The following ADAM28 variants were observed in gnomAD, a reference collection of about 807,000 sequenced individuals.
ADAM28 encodes the protein disintegrin and metalloproteinase domain-containing protein 28.
In ADAM28, 105 loss-of-function variants were observed where a neutral mutation model predicts 101.2. That is an observed-to-expected ratio of 1.04 (90% CI 0.89 to 1.22). The LOEUF (loss-of-function observed/expected upper bound fraction) is 1.22. Among genes scored for constraint, ADAM28 ranks in the 50% most tolerant of loss-of-function variants. The pLI is 0.00. For missense variants in ADAM28, 1,028 were observed against 945.4 expected, an observed-to-expected ratio of 1.09 and a Z score of -1.15; for synonymous variants, 322 against 310.6, an observed-to-expected ratio of 1.04 and a Z score of -0.39.
In ADAM28 at chr8:24,326,584, T is replaced by C; in HGVS notation, c.921T>C (p.Gly307=). 1.2e-6 allele frequency: 2 copies of C among 1,612,288 alleles called. No homozygotes were observed. The highest frequency in any genetic ancestry group is 8.5e-7 in the Non-Finnish European group (1 of 1,178,806). ...CAGAACTTGCTGGAACGACTGTGGG[T>C]CTTGCATTTATGTCTACAATGTGTT... ...TATELAGTTV[G]LAFMSTMCSP... is the part of the protein sequence containing the mutation. The change falls in exon 10 of 23, where the codon GGT becomes GGC. Residue 307 remains glycine (G), a synonymous_variant. Coordinates refer to ENST00000265769, the MANE Select transcript of ADAM28 (RefSeq NM_014265.6).
Position 24,325,891 on chromosome 8 carries a change from A to AAAACAAAC in ADAM28, c.891-660_891-659insCAAACAAA, listed in dbSNP as rs1585631109. Reference sequence around the variant, plus strand: ...GATAGCAAAAAAAAAAAAAAAAAAAAAAAAAAAAACCAAAAAACAAAAACT... The same window carrying AAAACAAAC: ...GATAGCAAAAAAAAAAAAAAAAAAAAAAACAAACAAAAAAAAACCAAAAAACAAAAACT... On this transcript the variant is annotated intron_variant, in intron 9 of 22. Transcript: ENST00000265769. Among the ~76,000 whole-genome samples, 5 of 144,298 alleles carry AAAACAAAC rather than the reference A, an allele frequency of 3.5e-5. No individual in the cohort carries two copies. In the East Asian group the frequency reaches 1.0e-3, roughly 30 times the overall value. 94.7% of individuals were successfully genotyped at this position (144,298 alleles called of 152,430 possible).
intron 20 of ADAM28, chr8:24,351,573 G>A: frequency 1.9e-6 from 1 of 535,828 alleles, no homozygotes; most frequent in East Asian, 3.4e-5. Flanking sequence ...CTTTGTCTCT[G>A]CTTCATTCTC....
intron 19 of ADAM28, 120 bp downstream of exon 19, chr8:24,350,092 C>G (rs530152102): frequency 2.4e-5 from 19 of 803,276 alleles, no homozygotes; most frequent in Non-Finnish European, 3.3e-5. Context: ...TTCAGAAATA[C>G]ATGCAGATGG....
intron 5 of ADAM28, among the ~76,000 whole-genome samples, chr8:24,312,817 C>T (rs921078225): frequency 6.6e-6 from 1 of 152,018 alleles, no homozygotes; most frequent in Admixed American, 6.6e-5. Flanking sequence ...AACCCTGGTT[C>T]AAGGCTTTAG....
At chr8:24,350,017 TTTTAC>T (rs776905762) in intron 19 of ADAM28, 45 bp downstream of exon 19, 1 of 1,551,952 alleles carries the variant, frequency 6.4e-7, no homozygotes, top group Non-Finnish European at 8.8e-7. Flanking sequence ...TTGACCCCTA[TTTTAC>T]TTTACTTTAA....
chr8:24,336,093 G>C, intron 14 of ADAM28: 1 of 988,012 alleles, frequency 1.0e-6, no homozygotes, highest in South Asian at 4.7e-5. Flanking sequence ...GGATGGGACA[G>C]AAATAAGAAA....
chr8:24,346,484 T>G (rs1039704151), intron 18 of ADAM28, among the ~76,000 whole-genome samples: 1 of 152,146 alleles, frequency 6.6e-6, no homozygotes, highest in Non-Finnish European at 1.5e-5. Flanking sequence ...TTAAATCTTA[T>G]GCCTTTTATG....
chr8:24,347,622 A>AC (rs1815561974), intron 18 of ADAM28, among the ~76,000 whole-genome samples: 2 of 152,002 alleles, frequency 1.3e-5, no homozygotes, highest in South Asian at 4.1e-4. Flanking sequence ...GTGTTAAAAT[A>AC]CCCCCCACTG....
intron 10 of ADAM28, 85 bp from the exon 11 acceptor site, chr8:24,329,882 TGTGTGAGAGAGAGAGAGA>T (rs1813123794): frequency 3.2e-6 from 3 of 946,476 alleles, no homozygotes; most frequent in African/African-American, 4.2e-5. Context: ...TGTGTGTGTG[TGTGTGAGAGAGAGAGAGA>T]GAGAGAGAGA....
intron 12 of ADAM28, among the ~76,000 whole-genome samples, chr8:24,332,083 C>G (rs1585664530): frequency 6.6e-6 from 1 of 151,996 alleles, no homozygotes; most frequent in Non-Finnish European, 1.5e-5. Context: ...ATATTGTAAC[C>G]CTGAAACTCT....
At position 24,351,498 on chromosome 8, in the gene ADAM28, T is replaced by A. The variant is rs75086738; in HGVS notation, c.2178+188T>A. 5.6e-3 allele frequency: 3,738 copies of A among 670,412 alleles called. 114 individuals carry two copies. In the African/African-American group the frequency reaches 0.06, roughly 11 times the overall value. The allele number at this position is 670,412 out of a possible 1,614,324, so 41.5% of individuals were successfully genotyped here. ...AATGCCGAGGCTACTTTGCCGGGGT[T>A]CATGAAATGCAAACAGAATAAAGAG... On this transcript the variant is annotated intron_variant, in intron 20 of 22. Transcript: ENST00000265769.
chr8:24,352,911 ATCT>A (rs146976059), intron 21 of ADAM28, among the ~76,000 whole-genome samples: 2,761 of 151,844 alleles, frequency 0.018, 97 homozygotes, highest in African/African-American at 0.064. Flanking sequence ...CACCTATATC[ATCT>A]TCTTTGCTTG....
chr8:24,342,979 T>A, intron 16 of ADAM28, 122 bp from the exon 17 acceptor site: 1 of 1,495,192 alleles, frequency 6.7e-7, no homozygotes, highest in Non-Finnish European at 8.9e-7. Flanking sequence ...TTTCCCTTCT[T>A]CTACATCAGC....
intron 10 of ADAM28, among the ~76,000 whole-genome samples, chr8:24,327,548 T>C (rs1812787535): frequency 6.6e-6 from 1 of 152,066 alleles, no homozygotes; most frequent in Non-Finnish European, 1.5e-5. Flanking sequence ...TTAAATTTCA[T>C]ATGGAACCAA....
chr8:24,351,478 C>T lies in ADAM28; in HGVS notation c.2178+168C>T, dbSNP rs141740289. ...AAAGGCAAAAGAGTCCCTAAAATGC[C>T]GAGGCTACTTTGCCGGGGTTCATGA... On this transcript the variant is annotated intron_variant, in intron 20 of 22. Coordinates refer to ENST00000265769, the MANE Select transcript of ADAM28 (RefSeq NM_014265.6). The T allele has an allele frequency of 2.6e-3, 1,871 of 731,064 alleles. 10 individuals are homozygous for T. The highest frequency in any genetic ancestry group is 3.8e-3 in the Non-Finnish European group (1,576 of 411,686). 45.3% of individuals were successfully genotyped at this position (731,064 alleles called of 1,614,324 possible).
chr8:24,305,667 A>C (rs1158258305), intron 2 of ADAM28, among the ~76,000 whole-genome samples: 3 of 152,164 alleles, frequency 2.0e-5, no homozygotes, highest in Non-Finnish European at 4.4e-5. Context: ...AAAATTACCT[A>C]AACAATTAGA....
At chr8:24,352,167 G>A (rs1488267532) in intron 21 of ADAM28, 115 bp downstream of exon 21, 6 of 883,226 alleles carry the variant, frequency 6.8e-6, no homozygotes, top group Admixed American at 5.1e-5. Context: ...AAATCTATGT[G>A]AATATTAATA....
At chr8:24,316,005 G>C (rs1057160742) in intron 6 of ADAM28, among the ~76,000 whole-genome samples, 5 of 151,744 alleles carry the variant, frequency 3.3e-5, no homozygotes, top group African/African-American at 1.2e-4. Flanking sequence ...TGGAGTTAAT[G>C]GTTCTTGATT....
At chr8:24,310,589 A>G (rs964749612) in intron 4 of ADAM28, among the ~76,000 whole-genome samples, 4 of 152,036 alleles carry the variant, frequency 2.6e-5, no homozygotes, top group East Asian at 1.9e-4. Flanking sequence ...AGCCAAGACT[A>G]TTTCCTCAAT....
Sources: allele counts gnomAD v4.1 joint callset (sites outside exome capture counted in the v4.1 genomes callset), GRCh38; gene constraint gnomAD v4.1.1; transcripts MANE v1.5; gene names NCBI Gene and HGNC (gene_info 2026-07-23, HGNC 2026-07-21).